CYRIB: variants seen among roughly 807,000 people sequenced by gnomAD.
The protein encoded by CYRIB is CYFIP-related Rac1 interactor B.
Under a neutral mutation model 44.2 loss-of-function variants are expected in CYRIB, and 8 were observed. The ratio of observed to expected loss-of-function variants is 0.18; its 90% CI spans 0.11 to 0.33. The LOEUF (loss-of-function observed/expected upper bound fraction) is 0.33. Ranked by LOEUF, CYRIB falls within the 10% of genes least tolerant of loss-of-function variation. The pLI, the probability that CYRIB is intolerant of heterozygous loss-of-function variation, is 1.00. For missense variants in CYRIB, 185 were observed against 382.8 expected (o/e 0.48, Z 4.31); for synonymous variants, 131 against 127.2 (o/e 1.03, Z -0.20).
chr8:129,921,446 G>A (rs2083515377), intron 1 of CYRIB, among the ~76,000 whole-genome samples: 1 of 152,144 alleles, frequency 6.6e-6, no homozygotes, highest in African/African-American at 2.4e-5. Context: ...TATTCACATG[G>A]TTTCAAAGTA....
chr8:129,998,636 C>CTT (rs879288933), intron 1 of CYRIB, among the ~76,000 whole-genome samples: 4 of 143,382 alleles, frequency 2.8e-5, no homozygotes, highest in Non-Finnish European at 3.1e-5. Context: ...AAACTCATCT[C>CTT]TTTTTTTTTT....
chr8:129,914,365 A>G (rs1008512737), intron 1 of CYRIB, among the ~76,000 whole-genome samples: 2 of 152,222 alleles, frequency 1.3e-5, no homozygotes, highest in African/African-American at 4.8e-5. Flanking sequence ...TCAACATAAG[A>G]GAGTGGTTAT....
chr8:129,943,493 G>A (rs552008219), upstream of CYRIB, among the ~76,000 whole-genome samples: 13 of 151,772 alleles, frequency 8.6e-5, no homozygotes, highest in South Asian at 2.7e-3. Flanking sequence ...TACTTGGGAG[G>A]CTGAGGTGGG....
chr8:129,936,129 G>C lies in CYRIB; in HGVS notation c.-50+3479C>G, dbSNP rs576329160. ...AAAGTTTTGAGATTTGCTGTTTTAAGTATGTTTTACAAATACTTAATATAA... is the reference window on the plus strand; with the variant it reads ...AAAGTTTTGAGATTTGCTGTTTTAACTATGTTTTACAAATACTTAATATAA... On this transcript the variant is annotated intron_variant, in intron 1 of 11. Transcript: ENST00000519824. Among the ~76,000 whole-genome samples, 14 of 152,258 alleles carry C rather than the reference G, an allele frequency of 9.2e-5. 1 individual carries two copies. The South Asian group carries it at 2.9e-3, about 32-fold the overall frequency.
In CYRIB at chr8:129,920,857, T is replaced by C. The variant is rs16904175; in HGVS notation, c.-49-17507A>G. ...ACTGTTTAGTTTACTATTTGCAGTA[T>C]CTAGGAATTCATTTTATCTACAGAG... On this transcript the variant is annotated intron_variant, in intron 1 of 11. Transcript: ENST00000519824. 8.8e-3 allele frequency among the ~76,000 whole-genome samples: 1,343 copies of C among 152,278 alleles called. 17 individuals carry two copies. The highest frequency in any genetic ancestry group is 0.031 in the African/African-American group (1,281 of 41,550).
intron 1 of CYRIB, among the ~76,000 whole-genome samples, chr8:129,903,594 C>T (rs75969934): frequency 0.014 from 2,116 of 152,214 alleles, 48 homozygotes; most frequent in African/African-American, 0.048. Context: ...CAGTTGTCAC[C>T]GTCAACATAC....
chr8:129,925,001 C>G (rs2086619586), intron 1 of CYRIB, among the ~76,000 whole-genome samples: 2 of 152,162 alleles, frequency 1.3e-5, no homozygotes, highest in South Asian at 4.1e-4. Context: ...CAGCCCTACA[C>G]AGTACAAGAG....
intron 1 of CYRIB, among the ~76,000 whole-genome samples, chr8:129,936,626 T>C (rs2092835467): frequency 6.6e-6 from 1 of 151,502 alleles, no homozygotes; most frequent in South Asian, 2.1e-4. Context: ...TTCTATGAAC[T>C]AAAGTATAAC....
At chr8:129,920,510 A>T (rs1188369808) in intron 1 of CYRIB, among the ~76,000 whole-genome samples, 1 of 152,154 alleles carries the variant, frequency 6.6e-6, no homozygotes, top group Non-Finnish European at 1.5e-5. Context: ...AGACTTAAAC[A>T]TCTTAGTTTA....
intron 2 of CYRIB, among the ~76,000 whole-genome samples, chr8:129,902,634 G>A (rs145330498): frequency 2.2e-3 from 330 of 152,188 alleles, no homozygotes; most frequent in Non-Finnish European, 2.1e-3. Flanking sequence ...CACCACGACC[G>A]GCCTGATGAG....
intron 1 of CYRIB, among the ~76,000 whole-genome samples, chr8:130,006,437 A>G (rs1217236812): frequency 6.7e-6 from 1 of 148,714 alleles, no homozygotes; most frequent in East Asian, 2.0e-4. Context: ...GCAACGTAGC[A>G]AGACTCTCAT....
rs1277510070 is a variant in CYRIB, at chr8:129,930,988, T to C, written c.-50+8620A>G. Among the ~76,000 whole-genome samples the C allele has an allele frequency of 2.0e-5, 3 of 152,264 alleles. No individual in the cohort carries two copies. The East Asian group carries it at 5.8e-4, about 29-fold the overall frequency. On this transcript the variant is annotated intron_variant, in intron 1 of 11. Coordinates refer to ENST00000519824, the Ensembl canonical transcript of CYRIB. ...ATATTTACTAAATACCAGGACACAT[T>C]TAGTATCTAACATTTAAATAAAAAT...
intron 1 of CYRIB, among the ~76,000 whole-genome samples, chr8:129,977,823 C>T (rs556086108): frequency 1.3e-5 from 2 of 152,188 alleles, no homozygotes; most frequent in African/African-American, 2.4e-5. Context: ...TGAGCCACTG[C>T]TCCCGTCCTG....
chr8:129,858,964 A>G (rs2047696627), intron 5 of CYRIB, among the ~76,000 whole-genome samples: 2 of 152,220 alleles, frequency 1.3e-5, no homozygotes, highest in African/African-American at 4.8e-5. Flanking sequence ...TGCAGAGACG[A>G]GAGAGTGTAG....
intron 1 of CYRIB, among the ~76,000 whole-genome samples, chr8:129,920,757 A>G (rs192516593): frequency 1.3e-5 from 2 of 152,306 alleles, no homozygotes; most frequent in Admixed American, 1.3e-4. Flanking sequence ...AAAAACCTGT[A>G]CAGTTTAGAA....
chr8:130,014,551 C>T (rs1255095104), intron 1 of CYRIB, among the ~76,000 whole-genome samples: 1 of 152,044 alleles, frequency 6.6e-6, no homozygotes, highest in Admixed American at 6.6e-5. Context: ...GTTGGGGGAC[C>T]CACATAGCTA....
intron 1 of CYRIB, among the ~76,000 whole-genome samples, chr8:129,981,234 G>A (rs1167060980): frequency 6.6e-6 from 1 of 152,034 alleles, no homozygotes; most frequent in African/African-American, 2.4e-5. Flanking sequence ...CCACCTCCTG[G>A]GCTCAGGCCA....
At chr8:129,902,518 C>G (rs1216546999) in intron 2 of CYRIB, among the ~76,000 whole-genome samples, 1 of 152,138 alleles carries the variant, frequency 6.6e-6, no homozygotes, top group Non-Finnish European at 1.5e-5. Context: ...CTGCGCCCAC[C>G]CTTGTTTTTG....
chr8:129,912,108 C>T (rs1237772021), intron 1 of CYRIB, among the ~76,000 whole-genome samples: 1 of 152,102 alleles, frequency 6.6e-6, no homozygotes, highest in Non-Finnish European at 1.5e-5. Flanking sequence ...CCCACATGTT[C>T]AAACCCCCTT....
Sources: gnomAD v4.1 joint callset for allele counts (sites outside exome capture counted in the v4.1 genomes callset) on GRCh38, gnomAD v4.1.1 for gene constraint, MANE v1.5 for transcripts, NCBI Gene and HGNC (gene_info 2026-07-23, HGNC 2026-07-21) for gene names.